SLC15A1: variants seen among roughly 807,000 people sequenced by gnomAD.
SLC15A1 encodes the protein solute carrier family 15 member 1, also known as Caco-2 oligopeptide transporter.
SLC15A1 carries 83 observed loss-of-function variants against 92.9 expected under a neutral mutation model. That is an observed-to-expected ratio of 0.89 (90% CI 0.75 to 1.07). The LOEUF (loss-of-function observed/expected upper bound fraction) is 1.07, where lower values mean the gene tolerates loss of function less well. Among genes scored for constraint, SLC15A1 ranks in the 50% least tolerant of loss-of-function variants. SLC15A1 has a pLI of 0.00. For synonymous variants in SLC15A1, 322 were observed against 318.2 expected (o/e 1.01, Z -0.13); for missense variants, 857 against 880.1 (o/e 0.97, Z 0.33).
intron 18 of SLC15A1, among the ~76,000 whole-genome samples, chr13:98,700,311 A>AC (rs1396116554): frequency 6.6e-6 from 1 of 151,660 alleles, no homozygotes; most frequent in Non-Finnish European, 1.5e-5. Flanking sequence ...ACATAGTGAG[A>AC]CCCCATCTCT....
At chr13:98,734,082 C>T (rs565672545) in intron 1 of SLC15A1, among the ~76,000 whole-genome samples, 23 of 152,152 alleles carry the variant, frequency 1.5e-4, no homozygotes, top group Non-Finnish European at 2.9e-4. Context: ...TCTCCTGCAT[C>T]GGCCTCCTGA....
chr13:98,721,700 G>A, intron 6 of SLC15A1, 104 bp downstream of exon 6: 1 of 1,303,772 alleles, frequency 7.7e-7, no homozygotes, highest in Non-Finnish European at 1.1e-6. Context: ...ACTTTCTAAT[G>A]TACTTAAAAA....
intron 9 of SLC15A1, among the ~76,000 whole-genome samples, chr13:98,715,056 T>C (rs997780151): frequency 3.3e-5 from 5 of 152,246 alleles, no homozygotes; most frequent in African/African-American, 2.4e-5. Context: ...AGATGAACTG[T>C]AAGTTCAGCA....
intron 6 of SLC15A1, 24 bp downstream of exon 6, chr13:98,721,780 C>T: frequency 6.2e-7 from 1 of 1,606,194 alleles, no homozygotes; most frequent in Non-Finnish European, 8.5e-7. Context: ...TTCACGTGGG[C>T]TCTGGGGAGG....
rs771426478 is a variant in SLC15A1, at chr13:98,703,539, C to CTTTTTTTT, written c.1416+742_1416+749dup. Among the ~76,000 whole-genome samples, 39 of 85,536 alleles carry CTTTTTTTT rather than the reference C, an allele frequency of 4.6e-4. 4 individuals are homozygous for CTTTTTTTT. Among genetic ancestry groups the CTTTTTTTT allele is most frequent in the African/African-American group, 9.2e-4 (14 of 15,196 alleles). 56.1% of individuals were successfully genotyped at this position (85,536 alleles called of 152,430 possible). On this transcript the variant is annotated intron_variant, in intron 17 of 22. Transcript: ENST00000376503. The stretch of plus-strand genomic sequence containing the variant: ...TATACCTTTGTAGCTGCTGCTGCTG[C>CTTTTTTTT]TTTTTTTTTTTTTTTTTTTTTTTTT...
intron 1 of SLC15A1, among the ~76,000 whole-genome samples, chr13:98,736,234 A>C (rs1168777374): frequency 5.3e-4 from 81 of 152,352 alleles, no homozygotes; most frequent in Middle Eastern, 3.4e-3. Flanking sequence ...AAAAACAAGA[A>C]AGGGGAAAGG....
At chr13:98,691,034 G>C (rs1455374667) in intron 18 of SLC15A1, among the ~76,000 whole-genome samples, 1 of 151,766 alleles carries the variant, frequency 6.6e-6, no homozygotes, top group Admixed American at 6.6e-5. Context: ...GCATGTATCC[G>C]TACTCCATTC....
At chr13:98,714,071 A>G (rs1463061075) in intron 9 of SLC15A1, among the ~76,000 whole-genome samples, 3 of 151,706 alleles carry the variant, frequency 2.0e-5, no homozygotes, top group East Asian at 3.9e-4. Context: ...AAAAAAAAAA[A>G]AAAAGAAAAG....
At chr13:98,710,731 T>C (rs1261137213) in intron 11 of SLC15A1, among the ~76,000 whole-genome samples, 2 of 146,846 alleles carry the variant, frequency 1.4e-5, no homozygotes, top group African/African-American at 5.1e-5. Flanking sequence ...TCGCTTGAAC[T>C]TGGGAAGTGG....
At chr13:98,695,333 C>T (rs550337782) in intron 18 of SLC15A1, among the ~76,000 whole-genome samples, 5 of 152,188 alleles carry the variant, frequency 3.3e-5, no homozygotes, top group South Asian at 2.1e-4. Flanking sequence ...GTAATGCTCC[C>T]GCCTCAGCCT....
chr13:98,721,841 A>G lies in SLC15A1; in HGVS notation c.428T>C (p.Val143Ala), dbSNP rs747936006. ...AAACTGATCTCCACCAAACGCAGAC[A>G]CACAGGGTTTGATTCCTCCAGTCCC... ...ALGTGGIKPCVSAFGGDQFEE... is the reference protein window; with the variant it reads ...ALGTGGIKPCASAFGGDQFEE... Residue 143 changes from valine to alanine, a missense_variant, in exon 6 of 23, where the codon GTG (valine) becomes GCG (alanine). Transcript: ENST00000376503. The G allele has an allele frequency of 6.2e-7, 1 of 1,614,120 alleles. No individual in the cohort carries two copies. Among genetic ancestry groups the G allele is most frequent in the Non-Finnish European group, 8.5e-7 (1 of 1,180,026 alleles).
intron 16 of SLC15A1, 141 bp from the exon 17 acceptor site, chr13:98,704,576 G>T: frequency 1.2e-6 from 1 of 846,760 alleles, no homozygotes; most frequent in Non-Finnish European, 1.8e-6. Context: ...GTGGGGAGTT[G>T]GCCTTTATTT....
At chr13:98,686,134 G>A (rs2087926936) in intron 22 of SLC15A1, 56 bp downstream of exon 22, 5 of 1,311,888 alleles carry the variant, frequency 3.8e-6, no homozygotes, top group Non-Finnish European at 4.4e-6. Flanking sequence ...AGGCCACCAT[G>A]ATGACCATGA....
At chr13:98,687,096 C>T (rs1281620445) in intron 21 of SLC15A1, among the ~76,000 whole-genome samples, 5 of 151,924 alleles carry the variant, frequency 3.3e-5, no homozygotes, top group African/African-American at 1.2e-4. Flanking sequence ...CACAAGCGTG[C>T]TCTACCATGC....
intron 4 of SLC15A1, among the ~76,000 whole-genome samples, chr13:98,724,651 T>C (rs1190823201): frequency 1.3e-5 from 2 of 152,154 alleles, no homozygotes; most frequent in Non-Finnish European, 2.9e-5. Flanking sequence ...TTTTGTATTT[T>C]TTAGTAGAGA....
rs754374647 is a variant in SLC15A1 at position 98,721,465 on chromosome 13, C to G, written c.556+30G>C. 8.5e-6 allele frequency: 13 copies of G among 1,521,634 alleles called. No homozygotes were observed. In the East Asian group the frequency reaches 2.7e-4, roughly 32 times the overall value. 94.3% of individuals were successfully genotyped at this position (1,521,634 alleles called of 1,614,324 possible). A position where few individuals can be genotyped will look rare whatever the true frequency, so the allele number is the denominator to read the frequency against. ...GGACTTGGCCTTACTAAAAAAAGAC[C>G]AACAGAAGTTCCTTTCAGGTATCTC... On this transcript the variant is annotated intron_variant, in intron 7 of 22. Transcript: ENST00000376503.
chr13:98,686,278 G>A lies in SLC15A1; in HGVS notation c.1847C>T (p.Ser616Leu), dbSNP rs778277283. ...CAGCAGCCATCCTGCCTGAAGCACC[G>A]ACTTCATGTTGGAAGGAGCCTGAGG... ...SYSQAPSNMK[S>L]VLQAGWLLTV... Residue 616 changes from serine (S) to leucine (L), a missense_variant, in exon 22 of 23, where the codon TCG becomes TTG. By Grantham distance (145) the Ser-to-Leu change is moderately radical. Transcript: ENST00000376503. 59 of 1,611,500 alleles carry A rather than the reference G, an allele frequency of 3.7e-5. No homozygotes were observed. The highest frequency in any genetic ancestry group is 4.7e-5 in the Non-Finnish European group (55 of 1,178,944).
chr13:98,688,193 T>C, intron 20 of SLC15A1, 55 bp downstream of exon 20: 1 of 1,175,352 alleles, frequency 8.5e-7, no homozygotes, highest in Non-Finnish European at 1.3e-6. Context: ...TTTGTGAGTC[T>C]TCATATCAAT....
intron 7 of SLC15A1, among the ~76,000 whole-genome samples, chr13:98,719,718 C>T (rs1256128397): frequency 2.6e-5 from 4 of 152,192 alleles, no homozygotes; most frequent in Non-Finnish European, 5.9e-5. Flanking sequence ...GGTAGCAATT[C>T]GATGACCTAG....
Sources: gnomAD v4.1 joint callset for allele counts (sites outside exome capture counted in the v4.1 genomes callset) on GRCh38, gnomAD v4.1.1 for gene constraint, MANE v1.5 for transcripts, NCBI Gene and HGNC (gene_info 2026-07-23, HGNC 2026-07-21) for gene names.